The following LRIG1 variants were observed in gnomAD, a reference collection of about 807,000 sequenced individuals.
The protein encoded by LRIG1 is leucine-rich repeats and immunoglobulin-like domains protein 1.
Under a neutral mutation model 99.2 loss-of-function variants are expected in LRIG1, and 48 were observed. The ratio of observed to expected loss-of-function variants is 0.48; its 90% CI spans 0.38 to 0.62. LRIG1 has a LOEUF of 0.62. Ranked by LOEUF, LRIG1 falls within the 20% of genes least tolerant of loss-of-function variation. The pLI is 0.00. For missense variants in LRIG1, 1,646 were observed against 1,434.4 expected (o/e 1.15, Z -2.38); for synonymous variants, 772 against 596.1 (o/e 1.29, Z -4.30).
intron 9 of LRIG1, among the ~76,000 whole-genome samples, chr3:66,404,829 C>G (rs1702202083): frequency 6.6e-6 from 1 of 152,168 alleles, no homozygotes; most frequent in Non-Finnish European, 1.5e-5. Flanking sequence ...GCCCTCACAC[C>G]TTACTGACCT....
chr3:66,404,072 C>T (rs1446034834), intron 9 of LRIG1, among the ~76,000 whole-genome samples: 2 of 152,218 alleles, frequency 1.3e-5, no homozygotes, highest in Non-Finnish European at 2.9e-5. Flanking sequence ...CACTGATAAG[C>T]ATCTCCGACA....
intron 1 of LRIG1, among the ~76,000 whole-genome samples, chr3:66,476,382 C>T (rs1243147585): frequency 6.6e-6 from 1 of 152,160 alleles, no homozygotes; most frequent in Non-Finnish European, 1.5e-5. Flanking sequence ...CCTCTCCTCT[C>T]CCCCAGATAA....
chr3:66,439,057 G>A (rs192449594), intron 3 of LRIG1, among the ~76,000 whole-genome samples: 8 of 152,336 alleles, frequency 5.3e-5, no homozygotes, highest in East Asian at 1.9e-4. Context: ...CAGGGTTCTC[G>A]TTAACACACA....
At chr3:66,499,276 C>T (rs1701298932) in intron 1 of LRIG1, among the ~76,000 whole-genome samples, 1 of 152,174 alleles carries the variant, frequency 6.6e-6, no homozygotes, top group Non-Finnish European at 1.5e-5. Flanking sequence ...CTAATAAGCC[C>T]ACATCCTGAC....
intron 15 of LRIG1, 54 bp downstream of exon 15, chr3:66,382,928 G>T: frequency 6.6e-7 from 1 of 1,519,154 alleles, no homozygotes; most frequent in South Asian, 1.3e-5. Context: ...CAGTTCCCCA[G>T]CATCACTGCC....
Position 66,380,369 on chromosome 3 carries a change from T to C in LRIG1, c.3176A>G (p.Asn1059Ser), listed in dbSNP as rs780373997. The C allele has an allele frequency of 1.2e-5, 20 of 1,613,990 alleles. No homozygotes were observed. The highest frequency in any genetic ancestry group is 1.1e-5 in the South Asian group (1 of 91,076). Reference protein sequence around the residue: ...RAEAQYLLVSNGHLPKACDAS... With the variant: ...RAEAQYLLVSSGHLPKACDAS... ...GTCACATGCTTTGGGGAGGTGGCCA[T>C]TGGAAACAAGCAAGTACTGGGCTTC... Residue 1059 changes from asparagine to serine, a missense_variant, in exon 19 of 19, where the codon AAT becomes AGT. Transcript: ENST00000273261.
chr3:66,450,109 C>T (rs991945311), intron 3 of LRIG1, among the ~76,000 whole-genome samples: 1 of 152,176 alleles, frequency 6.6e-6, no homozygotes, highest in Non-Finnish European at 1.5e-5. Flanking sequence ...AATTAAACAC[C>T]TTCCAGATGC....
At chr3:66,489,015 C>T (rs931714763) in intron 1 of LRIG1, among the ~76,000 whole-genome samples, 4 of 151,854 alleles carry the variant, frequency 2.6e-5, no homozygotes, top group African/African-American at 7.3e-5. Flanking sequence ...AATCAAAGAT[C>T]GAAAGTGGAT....
In LRIG1 at chr3:66,394,186, C is replaced by T. The variant is rs753812426; in HGVS notation, c.1322G>A (p.Ser441Asn). The T allele has an allele frequency of 2.4e-5, 38 of 1,599,680 alleles. No individual in the cohort carries two copies. Among genetic ancestry groups the T allele is most frequent in the Non-Finnish European group, 3.2e-5 (37 of 1,173,786 alleles). Reference sequence around the variant, plus strand: ...CTTCAGCTGGCAGTCACACAGGAAGCTGTCGCTGCTGATATGGCTGAAAGA... The same window carrying T: ...CTTCAGCTGGCAGTCACACAGGAAGTTGTCGCTGCTGATATGGCTGAAAGA... ...NLKELHISSD[S>N]FLCDCQLKWL... The change falls in exon 12 of 19, where the codon AGC (serine) becomes AAC (asparagine). Residue 441 changes from serine (S) to asparagine (N), a missense_variant. By Grantham distance (46) the Ser-to-Asn change is conservative (BLOSUM62 1). Coordinates refer to ENST00000273261, the MANE Select transcript of LRIG1 (RefSeq NM_015541.3).
At chr3:66,470,110 T>C in intron 1 of LRIG1, among the ~76,000 whole-genome samples, 1 of 152,162 alleles carries the variant, frequency 6.6e-6, no homozygotes, top group Admixed American at 6.5e-5. Context: ...AGTTTCAGCT[T>C]TTCTTGAAAA....
chr3:66,382,042 G>C (rs918001630), intron 16 of LRIG1, among the ~76,000 whole-genome samples: 1 of 152,182 alleles, frequency 6.6e-6, no homozygotes, highest in Non-Finnish European at 1.5e-5. Flanking sequence ...ATCCTGCCAG[G>C]GAGATGCTAA....
At chr3:66,419,100 G>A (rs4109626) in intron 3 of LRIG1, among the ~76,000 whole-genome samples, 104,604 of 152,166 alleles carry the variant, frequency 0.69, 38,774 homozygotes, top group Non-Finnish European at 0.84. Flanking sequence ...AACTGTGAAT[G>A]TGGTATCAGG....
intron 1 of LRIG1, among the ~76,000 whole-genome samples, chr3:66,492,401 T>TA (rs1701121025): frequency 1.3e-5 from 2 of 151,862 alleles, no homozygotes; most frequent in Admixed American, 1.3e-4. Context: ...TCTTAGAAAA[T>TA]AAAGTTGTGA....
Position 66,500,585 on chromosome 3 carries a change from C to T in LRIG1, c.-178G>A. ...CGGCACTCAGCGTGCCCCCGGTGCCCGGGCCGCTCCGGAGCACCCGGCGGG... is the reference window on the plus strand; with the variant it reads ...CGGCACTCAGCGTGCCCCCGGTGCCTGGGCCGCTCCGGAGCACCCGGCGGG... On this transcript the variant is annotated 5_prime_UTR_variant, in exon 1 of 19. Coordinates refer to ENST00000273261, the MANE Select transcript of LRIG1 (RefSeq NM_015541.3). 5.5e-6 allele frequency: 2 copies of T among 366,842 alleles called. No homozygotes were observed. Among genetic ancestry groups the T allele is most frequent in the Non-Finnish European group, 9.6e-6 (2 of 208,426 alleles). 22.7% of individuals were successfully genotyped at this position (366,842 alleles called of 1,614,324 possible).
chr3:66,414,884 G>C (rs1172814935), intron 5 of LRIG1, 36 bp downstream of exon 5: 5 of 1,525,156 alleles, frequency 3.3e-6, no homozygotes, highest in African/African-American at 1.4e-5. Context: ...ATAAAGTTTG[G>C]CTAGCCTTAA....
At chr3:66,494,703 G>A (rs969876680) in intron 1 of LRIG1, among the ~76,000 whole-genome samples, 2 of 152,140 alleles carry the variant, frequency 1.3e-5, no homozygotes, top group African/African-American at 4.8e-5. Context: ...CTTTGTATAA[G>A]AAAAGTTCAC....
At chr3:66,451,216 C>A (rs1703892973) in intron 3 of LRIG1, among the ~76,000 whole-genome samples, 1 of 152,022 alleles carries the variant, frequency 6.6e-6, no homozygotes. Flanking sequence ...TGTCTTATAA[C>A]TGACACAGCT....
intron 3 of LRIG1, among the ~76,000 whole-genome samples, chr3:66,449,197 A>G (rs1353307158): frequency 6.6e-6 from 1 of 152,234 alleles, no homozygotes; most frequent in Non-Finnish European, 1.5e-5. Flanking sequence ...AAGCATTATC[A>G]ATAATCCAGC....
chr3:66,432,993 A>G (rs911137258), intron 3 of LRIG1, among the ~76,000 whole-genome samples: 2 of 152,184 alleles, frequency 1.3e-5, no homozygotes, highest in African/African-American at 2.4e-5. Flanking sequence ...TCAACACAGC[A>G]TTGCCAGAGG....
Sources: allele counts gnomAD v4.1 joint callset (sites outside exome capture counted in the v4.1 genomes callset), GRCh38; gene constraint gnomAD v4.1.1; transcripts MANE v1.5; gene names NCBI Gene and HGNC (gene_info 2026-07-23, HGNC 2026-07-21).